SLC1A7: variants seen among roughly 807,000 people sequenced by gnomAD.
SLC1A7 encodes excitatory amino acid transporter 5.
SLC1A7 carries 40 observed loss-of-function variants against 47.7 expected under a neutral mutation model. That is an observed-to-expected ratio of 0.84 (90% CI 0.65 to 1.09). SLC1A7 has a LOEUF of 1.09. Among genes scored for constraint, SLC1A7 ranks in the 50% least tolerant of loss-of-function variants. The pLI is 0.00. For missense variants in SLC1A7, 746 were observed against 769.5 expected, an observed-to-expected ratio of 0.97 and a Z score of 0.36; for synonymous variants, 323 against 325.6, an observed-to-expected ratio of 0.99 and a Z score of 0.09.
chr1:53,142,267 C>T, intron 1 of SLC1A7, 48 bp downstream of exon 1: 1 of 1,538,154 alleles, frequency 6.5e-7, no homozygotes, highest in Non-Finnish European at 8.8e-7. Flanking sequence ...CCCTCAGGCC[C>T]ACACGCCCCT....
intron 1 of SLC1A7, among the ~76,000 whole-genome samples, chr1:53,139,999 G>A (rs1199218342): frequency 6.6e-6 from 1 of 151,988 alleles, no homozygotes; most frequent in Non-Finnish European, 1.5e-5. Flanking sequence ...TTCACAAATA[G>A]AACATTCTAC....
intron 2 of SLC1A7, 53 bp from the exon 3 acceptor site, chr1:53,115,026 G>T: frequency 1.4e-6 from 2 of 1,413,796 alleles, no homozygotes; most frequent in Non-Finnish European, 9.9e-7. Context: ...GGCCTGGCTG[G>T]CACTCAGCGC....
At position 53,090,696 on chromosome 1, in the gene SLC1A7, G is replaced by T. The variant is rs772624859; in HGVS notation, c.1142C>A (p.Thr381Asn). The T allele has an allele frequency of 9.9e-6, 16 of 1,613,982 alleles. No individual in the cohort carries two copies. The highest frequency in any genetic ancestry group is 3.3e-4 in the Middle Eastern group (2 of 6,084). ...GGCGGCCACAGCCTCGTAGAGCGCA[G>T]TGCCGTCCATGTTGATGGTGGCACC... Reference protein sequence around the residue: ...PVGATINMDGTALYEAVAAIF... With the variant: ...PVGATINMDGNALYEAVAAIF... The change falls in exon 8 of 11, where the codon ACT becomes AAT. Residue 381 changes from threonine to asparagine, a missense_variant. Coordinates refer to ENST00000371494, the MANE Select transcript of SLC1A7 (RefSeq NM_006671.6).
At chr1:53,113,757 C>T (rs1163340456) in intron 3 of SLC1A7, among the ~76,000 whole-genome samples, 1 of 152,126 alleles carries the variant, frequency 6.6e-6, no homozygotes, top group Non-Finnish European at 1.5e-5. Flanking sequence ...AGCTTTTGGC[C>T]TGGTTCACGG....
Position 53,096,503 on chromosome 1 carries a change from G to A in SLC1A7, c.698-2943C>T, listed in dbSNP as rs1001327774. Among the ~76,000 whole-genome samples the A allele has an allele frequency of 2.1e-5, 3 of 141,978 alleles. No homozygotes were observed. The South Asian group carries it at 6.8e-4, about 32-fold the overall frequency. 93.1% of individuals were successfully genotyped at this position (141,978 alleles called of 152,430 possible). On this transcript the variant is annotated intron_variant, in intron 5 of 10. Coordinates refer to ENST00000371494, the MANE Select transcript of SLC1A7 (RefSeq NM_006671.6). ...TTAGCACACTCACACACTCCACCTC[G>A]GTACACTCACACGCACATAAACCCC... is the stretch of plus-strand genomic sequence containing the variant.
intron 5 of SLC1A7, among the ~76,000 whole-genome samples, chr1:53,100,944 C>T (rs765320345): frequency 8.0e-5 from 12 of 150,940 alleles, no homozygotes; most frequent in South Asian, 6.3e-4. Context: ...CACCCTGCAC[C>T]GGTACACTCC....
intron 5 of SLC1A7, among the ~76,000 whole-genome samples, chr1:53,096,835 C>A (rs1253843481): frequency 6.6e-6 from 1 of 151,770 alleles, no homozygotes; most frequent in African/African-American, 2.4e-5. Context: ...CACCTCAGAA[C>A]ACTCACACAC....
chr1:53,090,753 T>C lies in SLC1A7; in HGVS notation c.1085A>G (p.Asp362Gly), dbSNP rs748241695. The C allele has an allele frequency of 6.2e-7, 1 of 1,613,536 alleles. No homozygotes were observed. Among genetic ancestry groups the C allele is most frequent in the African/African-American group, 1.3e-5 (1 of 74,922 alleles). ...CAGCACGAAGCGAGCGATGCGCCGG[T>C]CGATGTGGTTGTTCTCCAGCAGGCA... ...FKCLLENNHI[D>G]RRIARFVLPV... Residue 362 changes from aspartate (D) to glycine (G), a missense_variant, in exon 8 of 11, where the codon GAC becomes GGC. Physicochemically the swap from Asp to Gly is moderately conservative, Grantham distance 94 (BLOSUM62 -1). Transcript: ENST00000371494.
chr1:53,105,640 C>T (rs1020444433), intron 4 of SLC1A7, 92 bp downstream of exon 4: 2 of 997,634 alleles, frequency 2.0e-6, no homozygotes, highest in Non-Finnish European at 3.2e-6. Context: ...GGCCAGCACA[C>T]CTGTCACTTC....
At chr1:53,104,327 TG>T (rs1180084006) in intron 4 of SLC1A7, among the ~76,000 whole-genome samples, 1 of 152,218 alleles carries the variant, frequency 6.6e-6, no homozygotes, top group Non-Finnish European at 1.5e-5. Context: ...TTAAGCCCCA[TG>T]GAAGCATTAC....
intron 8 of SLC1A7, chr1:53,090,211 T>C: frequency 1.8e-6 from 1 of 568,464 alleles, no homozygotes; most frequent in Non-Finnish European, 3.1e-6. Flanking sequence ...GGAAGCTATA[T>C]TGCTATGGGG....
intron 5 of SLC1A7, among the ~76,000 whole-genome samples, chr1:53,097,987 ACT>A (rs1161804332): frequency 6.7e-6 from 1 of 148,698 alleles, no homozygotes; most frequent in Non-Finnish European, 1.5e-5. Context: ...AACTCGGTAC[ACT>A]CACACCACCT....
intron 2 of SLC1A7, among the ~76,000 whole-genome samples, chr1:53,118,065 G>A (rs1037543622): frequency 6.6e-6 from 1 of 152,254 alleles, no homozygotes; most frequent in Non-Finnish European, 1.5e-5. Flanking sequence ...TGAGGGCGGA[G>A]GCCAAGAAGA....
At chr1:53,098,567 TCACA>T (rs1480488103) in intron 5 of SLC1A7, among the ~76,000 whole-genome samples, 2 of 143,802 alleles carry the variant, frequency 1.4e-5, no homozygotes, top group Non-Finnish European at 3.0e-5. Flanking sequence ...CTCAGCATAC[TCACA>T]CACCCTGCCT....
intron 3 of SLC1A7, chr1:53,108,198 C>T (rs901387782): frequency 4.8e-5 from 10 of 208,802 alleles, no homozygotes; most frequent in South Asian, 1.6e-4. Context: ...TCCAACCTGC[C>T]GCCCCACACT....
At chr1:53,108,168 C>T (rs890137939) in intron 3 of SLC1A7, 12 of 195,794 alleles carry the variant, frequency 6.1e-5, no homozygotes, top group Non-Finnish European at 1.2e-4. Flanking sequence ...AAGAGGCTTC[C>T]GTTGCATGCC....
Position 53,140,139 on chromosome 1 carries a change from G to A in SLC1A7, c.135+2176C>T, listed in dbSNP as rs191112473. Reference sequence around the variant, plus strand: ...GATTTCAAAGTAAGATGCTGAGAAAGCCAGTTTCTGCCAAATAATTGTTCT... The same window carrying A: ...GATTTCAAAGTAAGATGCTGAGAAAACCAGTTTCTGCCAAATAATTGTTCT... On this transcript the variant is annotated intron_variant, in intron 1 of 10. Coordinates refer to ENST00000371494, the MANE Select transcript of SLC1A7 (RefSeq NM_006671.6). 4.1e-4 allele frequency among the ~76,000 whole-genome samples: 62 copies of A among 152,288 alleles called. No homozygotes were observed. The East Asian group carries it at 0.011, about 27-fold the overall frequency.
chr1:53,112,394 C>T (rs1478629351), intron 3 of SLC1A7, among the ~76,000 whole-genome samples: 1 of 152,230 alleles, frequency 6.6e-6, no homozygotes, highest in East Asian at 1.9e-4. Context: ...TGAGCTCAGT[C>T]CAAACCAGCA....
intron 5 of SLC1A7, among the ~76,000 whole-genome samples, chr1:53,100,662 A>C (rs1644564353): frequency 6.6e-6 from 1 of 151,096 alleles, no homozygotes; most frequent in African/African-American, 2.4e-5. Flanking sequence ...TCCTCGGTAC[A>C]CTCACACGAC....
Sources: allele counts gnomAD v4.1 joint callset (sites outside exome capture counted in the v4.1 genomes callset), GRCh38; gene constraint gnomAD v4.1.1; transcripts MANE v1.5; gene names NCBI Gene and HGNC (gene_info 2026-07-23, HGNC 2026-07-21).